The following RXFP1 variants were observed in gnomAD, a reference collection of about 807,000 sequenced individuals.
The protein encoded by RXFP1 is relaxin family peptide receptor 1.
Under a neutral mutation model 89.8 loss-of-function variants are expected in RXFP1, and 73 were observed. The observed-to-expected ratio is 0.81, with a 90% confidence interval of 0.67 to 0.99. RXFP1 has a LOEUF of 0.99. Among genes scored for constraint, RXFP1 ranks in the 50% least tolerant of loss-of-function variants. RXFP1 has a pLI of 0.00. For synonymous variants in RXFP1, 277 were observed against 305.5 expected, an observed-to-expected ratio of 0.91 and a Z score of 0.97; for missense variants, 793 against 895.5, an observed-to-expected ratio of 0.89 and a Z score of 1.46.
chr4:158,626,349 AG>A (rs1222696117), intron 9 of RXFP1, among the ~76,000 whole-genome samples: 1 of 152,126 alleles, frequency 6.6e-6, no homozygotes, highest in Non-Finnish European at 1.5e-5. Context: ...TAGGCTGGAA[AG>A]GTAGGAGCTA....
rs547272231 is a variant in RXFP1, at chr4:158,605,975, C to T, written c.464+836C>T. ...TGAGTGGAATCAGAAGAAGAATTAA[C>T]CCACTTCCTTCAGTGAAATGTTCTA... On this transcript the variant is annotated intron_variant, in intron 5 of 17. Coordinates refer to ENST00000307765, the MANE Select transcript of RXFP1 (RefSeq NM_021634.4). Among the ~76,000 whole-genome samples, 6 of 152,256 alleles carry T rather than the reference C, an allele frequency of 3.9e-5. No homozygotes were observed. The South Asian group carries it at 1.2e-3, about 32-fold the overall frequency.
chr4:158,641,814 C>G (rs1770433704), intron 14 of RXFP1, among the ~76,000 whole-genome samples: 1 of 152,240 alleles, frequency 6.6e-6, no homozygotes, highest in Non-Finnish European at 1.5e-5. Context: ...CTTGCCTCCA[C>G]TGAAGATTCA....
chr4:158,572,467 G>A (rs1755287581), intron 1 of RXFP1, among the ~76,000 whole-genome samples: 1 of 152,190 alleles, frequency 6.6e-6, no homozygotes, highest in South Asian at 2.1e-4. Context: ...AGGCACTCCG[G>A]GTGGGAAACA....
chr4:158,562,700 C>A (rs1425510847), intron 1 of RXFP1, among the ~76,000 whole-genome samples: 2 of 151,874 alleles, frequency 1.3e-5, no homozygotes, highest in African/African-American at 4.8e-5. Context: ...CCACCTGAAG[C>A]TTTTGTTAAA....
At chr4:158,573,196 G>A (rs1208301045) in intron 2 of RXFP1, 1 of 186,712 alleles carries the variant, frequency 5.4e-6, no homozygotes, top group Non-Finnish European at 1.1e-5. Context: ...TTTTAGTAAA[G>A]ACAGGGTTTC....
At chr4:158,573,329 G>T (rs896401114) in intron 2 of RXFP1, among the ~76,000 whole-genome samples, 3 of 152,118 alleles carry the variant, frequency 2.0e-5, no homozygotes, top group Non-Finnish European at 4.4e-5. Flanking sequence ...TCGTTTCCAT[G>T]TAATGGTATC....
intron 1 of RXFP1, among the ~76,000 whole-genome samples, chr4:158,535,546 G>A (rs1258346687): frequency 6.6e-6 from 1 of 152,168 alleles, no homozygotes. Context: ...ACTAAAATGT[G>A]AGAAACTGAA....
intron 9 of RXFP1, among the ~76,000 whole-genome samples, chr4:158,624,846 G>C (rs1167645744): frequency 4.6e-5 from 7 of 152,042 alleles, no homozygotes; most frequent in Non-Finnish European, 1.0e-4. Flanking sequence ...ATTAACACAG[G>C]AGGGGGGAAA....
At chr4:158,543,580 A>G (rs1902212) in intron 1 of RXFP1, 130,180 of 183,084 alleles carry the variant, frequency 0.71, 52,667 homozygotes, top group East Asian at 0.97. Flanking sequence ...AACAGAGGAA[A>G]ATGGGAAATA....
intron 4 of RXFP1, among the ~76,000 whole-genome samples, chr4:158,600,748 G>C (rs946834720): frequency 6.6e-6 from 1 of 151,862 alleles, no homozygotes; most frequent in Admixed American, 6.6e-5. Flanking sequence ...GATCACTTGA[G>C]CCTGGGAGGT....
intron 6 of RXFP1, among the ~76,000 whole-genome samples, chr4:158,610,910 A>T (rs1341099338): frequency 6.6e-6 from 1 of 152,168 alleles, no homozygotes; most frequent in Non-Finnish European, 1.5e-5. Context: ...GGCAGGAGAA[A>T]TTCTACAGGA....
At chr4:158,535,195 G>A (rs900407121) in intron 1 of RXFP1, among the ~76,000 whole-genome samples, 2 of 152,034 alleles carry the variant, frequency 1.3e-5, no homozygotes, top group Non-Finnish European at 2.9e-5. Context: ...GGCAGGCTCA[G>A]AACATGATGA....
At chr4:158,572,874 C>A in intron 2 of RXFP1, 39 bp downstream of exon 2, 3 of 1,605,440 alleles carry the variant, frequency 1.9e-6, no homozygotes, top group African/African-American at 1.3e-5. Flanking sequence ...GAGAAAGGAG[C>A]AGAAAGGACT....
At chr4:158,538,612 G>A (rs1426023825) in intron 1 of RXFP1, among the ~76,000 whole-genome samples, 7 of 152,048 alleles carry the variant, frequency 4.6e-5, no homozygotes, top group South Asian at 4.1e-4. Context: ...TCAAGAGTTC[G>A]AGACCAGCCT....
At chr4:158,555,243 T>TA (rs1284215211) in intron 1 of RXFP1, among the ~76,000 whole-genome samples, 2 of 152,184 alleles carry the variant, frequency 1.3e-5, no homozygotes, top group Non-Finnish European at 2.9e-5. Flanking sequence ...GTAAAAAACT[T>TA]AGTTTATTCC....
chr4:158,576,539 C>A (rs942881223), intron 2 of RXFP1, among the ~76,000 whole-genome samples: 1 of 152,092 alleles, frequency 6.6e-6, no homozygotes, highest in Non-Finnish European at 1.5e-5. Context: ...TTCTAATACA[C>A]GCTAAGTTTT....
chr4:158,525,233 GT>G (rs200408983), intron 1 of RXFP1, among the ~76,000 whole-genome samples: 105 of 149,064 alleles, frequency 7.0e-4, no homozygotes, highest in African/African-American at 1.8e-3. Context: ...GGGGGGTTGG[GT>G]TTTTTTTTTA....
At chr4:158,554,056 T>C (rs1255882377) in intron 1 of RXFP1, among the ~76,000 whole-genome samples, 2 of 152,072 alleles carry the variant, frequency 1.3e-5, no homozygotes, top group African/African-American at 4.8e-5. Flanking sequence ...CTCTACCTAC[T>C]AGATGCCAGT....
At chr4:158,606,754 T>A (rs1446264913) in intron 5 of RXFP1, among the ~76,000 whole-genome samples, 3 of 151,474 alleles carry the variant, frequency 2.0e-5, no homozygotes, top group Non-Finnish European at 3.0e-5. Context: ...TGGCTCCTTT[T>A]TTTTTTTTTT....
Sources: allele counts gnomAD v4.1 joint callset (sites outside exome capture counted in the v4.1 genomes callset), GRCh38; gene constraint gnomAD v4.1.1; transcripts MANE v1.5; gene names NCBI Gene and HGNC (gene_info 2026-07-23, HGNC 2026-07-21).